The following UNC5C variants were observed in gnomAD, a reference collection of about 807,000 sequenced individuals.
UNC5C encodes the protein netrin receptor UNC5C.
A neutral mutation model predicts 99.8 loss-of-function variants in UNC5C; 47 were observed. The observed-to-expected ratio is 0.47, with a 90% CI of 0.37 to 0.60. The LOEUF (loss-of-function observed/expected upper bound fraction) is 0.60. Among genes scored for constraint, UNC5C ranks in the 20% least tolerant of loss-of-function variants. UNC5C has a pLI of 0.00. For synonymous variants in UNC5C, 487 were observed against 452.2 expected (o/e 1.08, Z -0.98); for missense variants, 1,062 against 1,165.9 (o/e 0.91, Z 1.30).
intron 7 of UNC5C, among the ~76,000 whole-genome samples, chr4:95,241,163 T>C (rs941298492): frequency 6.6e-6 from 1 of 152,236 alleles, no homozygotes; most frequent in African/African-American, 2.4e-5. Context: ...CCAAACAAAC[T>C]CTGTACCTCT....
chr4:95,523,972 G>C (rs1379405324), intron 1 of UNC5C, among the ~76,000 whole-genome samples: 4 of 152,104 alleles, frequency 2.6e-5, no homozygotes, highest in Non-Finnish European at 5.9e-5. Context: ...TGAGCAGTTG[G>C]AAGTTTAATG....
intron 2 of UNC5C, among the ~76,000 whole-genome samples, chr4:95,331,033 AT>A (rs1481213349): frequency 1.3e-5 from 2 of 152,088 alleles, no homozygotes; most frequent in African/African-American, 4.8e-5. Flanking sequence ...TGTACACATT[AT>A]TTAGCTCTCA....
chr4:95,500,187 T>C (rs987034056), intron 1 of UNC5C, among the ~76,000 whole-genome samples: 2 of 152,084 alleles, frequency 1.3e-5, no homozygotes, highest in African/African-American at 2.4e-5. Flanking sequence ...TAATAGAACA[T>C]AAATATTATT....
At chr4:95,536,608 G>A (rs10018526) in intron 1 of UNC5C, among the ~76,000 whole-genome samples, 1 of 151,904 alleles carries the variant, frequency 6.6e-6, no homozygotes, top group Non-Finnish European at 1.5e-5. Flanking sequence ...TTATTGTGTG[G>A]CCAAATACAA....
chr4:95,300,481 A>G (rs1466342094), intron 3 of UNC5C, among the ~76,000 whole-genome samples: 1 of 152,176 alleles, frequency 6.6e-6, no homozygotes, highest in Non-Finnish European at 1.5e-5. Context: ...GTGTGGTCCA[A>G]TGTACTAGAA....
At chr4:95,329,200 G>A (rs1743018661) in intron 2 of UNC5C, among the ~76,000 whole-genome samples, 1 of 152,100 alleles carries the variant, frequency 6.6e-6, no homozygotes, top group African/African-American at 2.4e-5. Flanking sequence ...GAGGTGGGAG[G>A]ATCACTTGAG....
At chr4:95,479,866 C>A (rs265071) in intron 1 of UNC5C, among the ~76,000 whole-genome samples, 3 of 151,428 alleles carry the variant, frequency 2.0e-5, no homozygotes, top group Non-Finnish European at 4.4e-5. Flanking sequence ...ATCAATGGAC[C>A]GAGTAAACTA....
intron 1 of UNC5C, among the ~76,000 whole-genome samples, chr4:95,349,057 T>C (rs918592517): frequency 5.9e-5 from 9 of 151,606 alleles, no homozygotes; most frequent in Non-Finnish European, 1.2e-4. Flanking sequence ...TAGTATTTGA[T>C]AGCAGAACAG....
chr4:95,419,266 T>C (rs936879199), intron 1 of UNC5C, among the ~76,000 whole-genome samples: 1 of 152,104 alleles, frequency 6.6e-6, no homozygotes, highest in Non-Finnish European at 1.5e-5. Context: ...GGTAACCCCA[T>C]AATGTCAACA....
At position 95,301,648 on chromosome 4, in the gene UNC5C, C is replaced by T. The variant is rs149754110; in HGVS notation, c.448G>A (p.Ala150Thr). The T allele has an allele frequency of 6.2e-4, 1,008 of 1,613,868 alleles. 16 individuals carry two copies. In the South Asian group the frequency reaches 8.7e-3, roughly 14 times the overall value. ...GCCTTCCGGCTCTTTGTGGTACCCG[C>T]GGAGCTCCAGGCCACACACTGGCAC... ...YWCQCVAWSS[A>T]GTTKSRKAYV... The change falls in exon 3 of 16, where the codon GCG becomes ACG. Residue 150 changes from alanine (A) to threonine (T), a missense_variant. Ala to Thr is a moderately conservative substitution (Grantham distance 58). Transcript: ENST00000453304.
chr4:95,513,425 A>G (rs1218001436), intron 1 of UNC5C, among the ~76,000 whole-genome samples: 1 of 152,170 alleles, frequency 6.6e-6, no homozygotes, highest in Admixed American at 6.6e-5. Context: ...ACTGATGTAG[A>G]CTGAAATCTT....
intron 6 of UNC5C, 89 bp from the exon 7 acceptor site, chr4:95,242,682 A>C (rs1739371062): frequency 7.3e-7 from 1 of 1,362,320 alleles, no homozygotes; most frequent in East Asian, 2.6e-5. Context: ...CAACAAAACA[A>C]AACAAGAACA....
chr4:95,178,451 T>G (rs1174176451), intron 14 of UNC5C, among the ~76,000 whole-genome samples: 1 of 94,230 alleles, frequency 1.1e-5, no homozygotes, highest in Admixed American at 1.2e-4. Flanking sequence ...GCCTTTTATT[T>G]CTCACATTTC....
Position 95,384,751 on chromosome 4 carries a change from G to A in UNC5C, c.125-49120C>T, listed in dbSNP as rs1351971746. 1.6e-4 allele frequency among the ~76,000 whole-genome samples: 24 copies of A among 152,146 alleles called. 1 individual carries two copies. Among genetic ancestry groups the A allele is most frequent in the Admixed American group, 1.6e-3 (24 of 15,262 alleles). Reference sequence around the variant, plus strand: ...GAGGGATAGAAGACAGAAAGCGGGTGAGTAGGCAGGGGGATATTGCAAAGC... The same window carrying A: ...GAGGGATAGAAGACAGAAAGCGGGTAAGTAGGCAGGGGGATATTGCAAAGC... On this transcript the variant is annotated intron_variant, in intron 1 of 15. Transcript: ENST00000453304.
chr4:95,346,671 C>A (rs1586163), intron 1 of UNC5C, among the ~76,000 whole-genome samples: 33,079 of 151,668 alleles, frequency 0.22, 4,368 homozygotes, highest in African/African-American at 0.36. Context: ...GAATGAAAAT[C>A]AACAACATAT....
rs2149360674 is a variant in UNC5C at position 95,202,850 on chromosome 4, A to C, written c.2017T>G (p.Ser673Ala). Residue 673 changes from serine (S) to alanine (A), a missense_variant, in exon 12 of 16, where the codon TCC becomes GCC. By Grantham distance (99) the Ser-to-Ala change is moderately conservative. Coordinates refer to ENST00000453304, the MANE Select transcript of UNC5C (RefSeq NM_003728.4). ...CGCTTCGCAGCCGCTTTGGTGGTGG[A>C]ATGTCCTACCAGGGCGTAGGTGCTG... is the stretch of plus-strand genomic sequence containing the variant. Reference protein sequence around the residue: ...NLSTYALVGHSTTKAAAKRLK... With the variant: ...NLSTYALVGHATTKAAAKRLK... 2 of 1,614,218 alleles carry C rather than the reference A, an allele frequency of 1.2e-6. No homozygotes were observed. Among genetic ancestry groups the C allele is most frequent in the East Asian group, 2.2e-5 (1 of 44,866 alleles).
chr4:95,422,111 A>C (rs1051510334), intron 1 of UNC5C, among the ~76,000 whole-genome samples: 3 of 152,258 alleles, frequency 2.0e-5, no homozygotes, highest in African/African-American at 7.2e-5. Flanking sequence ...AAGCTGCAGC[A>C]ACAGCTTCCC....
At chr4:95,181,165 C>G (rs1342675289) in intron 14 of UNC5C, among the ~76,000 whole-genome samples, 2 of 152,206 alleles carry the variant, frequency 1.3e-5, no homozygotes, top group Admixed American at 1.3e-4. Flanking sequence ...TCCCCGCCCT[C>G]AGTTAAATAT....
chr4:95,263,028 TG>T (rs1193226516), intron 4 of UNC5C, among the ~76,000 whole-genome samples: 1 of 152,124 alleles, frequency 6.6e-6, no homozygotes, highest in African/African-American at 2.4e-5. Context: ...TTGGTCAGGC[TG>T]GTCTCGAACT....
Sources: gnomAD v4.1 joint callset for allele counts (sites outside exome capture counted in the v4.1 genomes callset) on GRCh38, gnomAD v4.1.1 for gene constraint, MANE v1.5 for transcripts, NCBI Gene and HGNC (gene_info 2026-07-23, HGNC 2026-07-21) for gene names.